Variants in GCNT1 observed in about 807,000 individuals in gnomAD.
The protein encoded by GCNT1 is glucosaminyl (N-acetyl) transferase 1, also known as beta-1,3-galactosyl-O-glycosyl-glycoprotein beta-1,6-N-acetylglucosaminyltransferase.
In GCNT1, 16 loss-of-function variants were observed where a neutral mutation model predicts 26.2. The ratio of observed to expected loss-of-function variants is 0.61; its 90% confidence interval spans 0.41 to 0.93. GCNT1 has a LOEUF of 0.93. Among genes scored for constraint, GCNT1 ranks in the 40% least tolerant of loss-of-function variants. The pLI is 0.00. For missense variants in GCNT1, 477 were observed against 526.7 expected (o/e 0.91, Z 0.92); for synonymous variants, 183 against 190.8 (o/e 0.96, Z 0.34).
chr9:76,428,302 A>AAAAAAAAAAAAAG (rs1222053703), intron 1 of GCNT1, among the ~76,000 whole-genome samples: 6 of 149,328 alleles, frequency 4.0e-5, no homozygotes, highest in African/African-American at 9.9e-5. Context: ...TAAAAAAAAA[A>AAAAAAAAAAAAAG]AGAGAGAGAG....
chr9:76,494,003 G>T (rs888047843), intron 2 of GCNT1, among the ~76,000 whole-genome samples: 2 of 152,010 alleles, frequency 1.3e-5, no homozygotes, highest in Non-Finnish European at 2.9e-5. Flanking sequence ...CATTTCAAGG[G>T]TGAGCCTGTT....
At position 76,429,218 on chromosome 9, in the gene GCNT1, C is replaced by G. The variant is rs553797171; in HGVS notation, n.38+9331C>G. ...TCTTCTTTTGATCAGTCACTTTGTT[C>G]GGTTTTTTTCTGATTCTATTCCTAT... On this transcript the variant is annotated intron_variant and non_coding_transcript_variant, in intron 1 of 3. Transcript: ENST00000488136. 5.3e-5 allele frequency among the ~76,000 whole-genome samples: 8 copies of G among 152,168 alleles called. No homozygotes were observed. In the South Asian group the frequency reaches 1.7e-3, roughly 32 times the overall value.
chr9:76,426,196 CT>C (rs960084163), intron 1 of GCNT1, among the ~76,000 whole-genome samples: 5 of 152,130 alleles, frequency 3.3e-5, no homozygotes, highest in African/African-American at 1.2e-4. Context: ...TTAGTTCGTC[CT>C]GCGCTCAGGA....
exon 1 of GCNT1, chr9:76,442,101 G>A (rs913531447): frequency 6.6e-6 from 1 of 152,176 alleles, no homozygotes; most frequent in Non-Finnish European, 1.5e-5. Flanking sequence ...CAGAAGCAGA[G>A]GTCACAGTGA....
At chr9:76,463,327 G>A (rs1398703798) in intron 2 of GCNT1, among the ~76,000 whole-genome samples, 3 of 152,298 alleles carry the variant, frequency 2.0e-5, no homozygotes, top group East Asian at 1.9e-4. Context: ...AGCCAAGCAC[G>A]GCCCAGTGTG....
intron 2 of GCNT1, among the ~76,000 whole-genome samples, chr9:76,474,470 G>A (rs916725245): frequency 2.0e-5 from 3 of 152,072 alleles, no homozygotes; most frequent in Admixed American, 1.3e-4. Flanking sequence ...AGTATAATTT[G>A]GAAATACCCT....
chr9:76,435,758 AGGTTGGGACTTCAACATATGAATTTGG>A (rs1266161450), intron 1 of GCNT1, among the ~76,000 whole-genome samples: 1 of 152,176 alleles, frequency 6.6e-6, no homozygotes, highest in Non-Finnish European at 1.5e-5. Context: ...GTCACATCAG[AGGTTGGGACTTCAACATATGAATTTGG>A]GGAGGGACAC....
intron 1 of GCNT1, among the ~76,000 whole-genome samples, chr9:76,421,696 T>TG (rs1823199361): frequency 1.0e-4 from 14 of 138,122 alleles, no homozygotes; most frequent in African/African-American, 3.3e-4. Flanking sequence ...GTTGTTTTTT[T>TG]TTTTTTTTTT....
chr9:76,425,381 C>A (rs1217592380), intron 1 of GCNT1, among the ~76,000 whole-genome samples: 1 of 151,950 alleles, frequency 6.6e-6, no homozygotes, highest in East Asian at 2.0e-4. Context: ...CGCCAACACG[C>A]CCGTCTAATT....
upstream of GCNT1, among the ~76,000 whole-genome samples, chr9:76,439,826 G>T (rs1016138773): frequency 1.3e-5 from 2 of 152,046 alleles, no homozygotes; most frequent in African/African-American, 2.4e-5. Context: ...AAGGCTGGGC[G>T]CATTGGCTCA....
chr9:76,419,983 C>G (rs559493871), intron 1 of GCNT1: 98 of 152,410 alleles, frequency 6.4e-4, no homozygotes, highest in African/African-American at 2.2e-3. Context: ...AGTGCACCCT[C>G]TACTGGAGAA....
At chr9:76,393,952 G>A in the GCNT1 span, 1 of 748,020 alleles carries the variant, frequency 1.3e-6, no homozygotes, top group Non-Finnish European at 2.1e-6. Context: ...CCACAGACAA[G>A]GGGATGCGGG....
chr9:76,480,624 G>A (rs562868531), intron 2 of GCNT1, among the ~76,000 whole-genome samples: 11 of 152,178 alleles, frequency 7.2e-5, no homozygotes, highest in Non-Finnish European at 1.6e-4. Flanking sequence ...GCCTTTGGGA[G>A]AGAGAGCATG....
the GCNT1 span, among the ~76,000 whole-genome samples, chr9:76,396,456 AAGAG>A: frequency 6.6e-6 from 1 of 152,002 alleles, no homozygotes; most frequent in East Asian, 1.9e-4. Flanking sequence ...ATAAGTAAGA[AAGAG>A]AGAAAAAAGA....
At chr9:76,477,330 A>T (rs1432360797) in intron 2 of GCNT1, among the ~76,000 whole-genome samples, 1 of 149,482 alleles carries the variant, frequency 6.7e-6, no homozygotes, top group Non-Finnish European at 1.5e-5. Context: ...GTTTGAGACC[A>T]GCCTTGCCAA....
intron 2 of GCNT1, among the ~76,000 whole-genome samples, chr9:76,479,472 C>T (rs563733135): frequency 3.9e-5 from 6 of 152,332 alleles, no homozygotes; most frequent in African/African-American, 1.4e-4. Context: ...TTTACAGTCC[C>T]ACCAACAGTG....
intron 2 of GCNT1, among the ~76,000 whole-genome samples, chr9:76,489,193 A>G (rs1357281928): frequency 1.3e-5 from 2 of 152,216 alleles, no homozygotes; most frequent in African/African-American, 4.8e-5. Context: ...TTTTCAAGAC[A>G]ACTGGGCGGA....
chr9:76,429,502 A>G (rs966267050), intron 1 of GCNT1, among the ~76,000 whole-genome samples: 1 of 152,090 alleles, frequency 6.6e-6, no homozygotes, highest in African/African-American at 2.4e-5. Context: ...ATTATTTCTC[A>G]TGATTTTTTG....
upstream of GCNT1, among the ~76,000 whole-genome samples, chr9:76,438,484 G>A (rs1823439007): frequency 6.6e-6 from 1 of 152,166 alleles, no homozygotes; most frequent in African/African-American, 2.4e-5. Context: ...CTTAAGGTCT[G>A]TGTTGATGTT....
Sources: allele counts gnomAD v4.1 joint callset (sites outside exome capture counted in the v4.1 genomes callset), GRCh38; gene constraint gnomAD v4.1.1; transcripts MANE v1.5; gene names NCBI Gene and HGNC (gene_info 2026-07-23, HGNC 2026-07-21).